The following ELF2 variants were observed in gnomAD, a reference collection of about 807,000 sequenced individuals.
ELF2 encodes the protein E74 like ETS transcription factor 2, also known as ETS-related transcription factor Elf-2.
Under a neutral mutation model 54.8 loss-of-function variants are expected in ELF2, and 11 were observed. The ratio of observed to expected loss-of-function variants is 0.20; its 90% CI spans 0.13 to 0.33. ELF2 has a LOEUF of 0.33. Ranked by LOEUF, ELF2 falls within the 10% of genes least tolerant of loss-of-function variation. The probability of loss-of-function intolerance (pLI) is 1.00; values close to 1 mark genes in which losing one functional copy is unlikely to be tolerated. For missense variants in ELF2, 513 were observed against 703.0 expected (o/e 0.73, Z 3.06); for synonymous variants, 203 against 245.1 (o/e 0.83, Z 1.61).
In ELF2 at chr4:139,139,503, A is replaced by C. The variant is rs540042305; in HGVS notation, c.-251-6T>G. On this transcript the variant is annotated splice_polypyrimidine_tract_variant and splice_region_variant and intron_variant, in intron 1 of 9. Transcript: ENST00000686138. ...GAACCAGTAGTTCTTTGGAACTGCC[A>C]GCGGGAGGGGAAAAAAGATAATATT... 2.5e-5 allele frequency: 31 copies of C among 1,224,188 alleles called. No individual in the cohort carries two copies. Among genetic ancestry groups the C allele is most frequent in the Non-Finnish European group, 3.0e-5 (29 of 982,652 alleles). 75.8% of individuals were successfully genotyped at this position (1,224,188 alleles called of 1,614,324 possible).
chr4:139,120,148 AC>A (rs1560833498), intron 4 of ELF2, among the ~76,000 whole-genome samples: 1 of 152,228 alleles, frequency 6.6e-6, no homozygotes, highest in East Asian at 1.9e-4. Flanking sequence ...CATGACTATT[AC>A]CAAACTTATC....
chr4:139,121,271 G>A (rs1373171655), intron 4 of ELF2, among the ~76,000 whole-genome samples: 2 of 150,714 alleles, frequency 1.3e-5, no homozygotes, highest in African/African-American at 4.9e-5. Flanking sequence ...ACCACGCCCG[G>A]CTAATTTTTT....
chr4:139,169,735 T>C (rs1364049503), intron 1 of ELF2, among the ~76,000 whole-genome samples: 2 of 151,688 alleles, frequency 1.3e-5, no homozygotes, highest in Non-Finnish European at 2.9e-5. Flanking sequence ...CGGGCGCCTA[T>C]AGTCCCAGCT....
At position 139,151,023 on chromosome 4, in the gene ELF2, C is replaced by CAAA. The variant is rs79837347; in HGVS notation, c.-251-11529_-251-11527dup. Among the ~76,000 whole-genome samples the CAAA allele has an allele frequency of 4.0e-3, 195 of 48,302 alleles. 15 individuals carry two copies. Among genetic ancestry groups the CAAA allele is most frequent in the African/African-American group, 0.016 (161 of 9,834 alleles). The allele number at this position is 48,302 out of a possible 152,430, so 31.7% of individuals were successfully genotyped here. A position where few individuals can be genotyped will look rare whatever the true frequency, so the allele number is the denominator to read the frequency against. ...TAGGTGACGGAACGAGGCTCCATCTCAAAAAAAAAAAAGAAAGAAAGAAAG... is the reference window on the plus strand; with the variant it reads ...TAGGTGACGGAACGAGGCTCCATCTCAAAAAAAAAAAAAAAGAAAGAAAGAAAG... On this transcript the variant is annotated intron_variant, in intron 1 of 9. Transcript: ENST00000686138.
intron 4 of ELF2, among the ~76,000 whole-genome samples, chr4:139,119,316 T>A (rs1459896379): frequency 6.6e-6 from 1 of 152,238 alleles, no homozygotes; most frequent in African/African-American, 2.4e-5. Context: ...GCTTTAGTTG[T>A]ACTAGATATC....
rs72933571 is a variant in ELF2, at chr4:139,165,321, T to A, written c.-252+11646A>T. 7.2e-3 allele frequency among the ~76,000 whole-genome samples: 1,101 copies of A among 152,330 alleles called. 20 individuals are homozygous for A. The highest frequency in any genetic ancestry group is 0.025 in the African/African-American group (1,036 of 41,558). On this transcript the variant is annotated intron_variant, in intron 1 of 9. Transcript: ENST00000686138. ...CTATGATTCTGTTTTGATCAGGTGTTTTAAACCTTTTGACATCTTTGGTAA... is the reference window on the plus strand; with the variant it reads ...CTATGATTCTGTTTTGATCAGGTGTATTAAACCTTTTGACATCTTTGGTAA...
intron 4 of ELF2, among the ~76,000 whole-genome samples, chr4:139,079,025 G>A (rs1397845601): frequency 6.6e-6 from 1 of 151,972 alleles, no homozygotes; most frequent in Admixed American, 6.6e-5. Flanking sequence ...ATCTCCTGGG[G>A]TGTGATCCTC....
intron 3 of ELF2, among the ~76,000 whole-genome samples, chr4:139,125,687 A>G (rs191391532): frequency 3.5e-4 from 53 of 151,784 alleles, no homozygotes; most frequent in Admixed American, 3.5e-3. Flanking sequence ...AAACAAGAAG[A>G]GGTAAGAACA....
At chr4:139,101,788 G>A (rs1328888349) in intron 4 of ELF2, 1 of 152,250 alleles carries the variant, frequency 6.6e-6, no homozygotes, top group Non-Finnish European at 1.5e-5. Context: ...TTCAGATGAA[G>A]CCTAGCCAAA....
chr4:139,107,433 A>C (rs1012244052), intron 4 of ELF2, among the ~76,000 whole-genome samples: 2 of 152,206 alleles, frequency 1.3e-5, no homozygotes, highest in African/African-American at 2.4e-5. Flanking sequence ...GGATATCCCA[A>C]TTACTCTGAC....
At chr4:139,133,722 G>A (rs1190338357) in intron 3 of ELF2, among the ~76,000 whole-genome samples, 1 of 151,028 alleles carries the variant, frequency 6.6e-6, no homozygotes, top group Non-Finnish European at 1.5e-5. Flanking sequence ...CCTCACCTCA[G>A]CCTTTAGTGT....
At chr4:139,135,516 G>A (rs1171303368) in intron 3 of ELF2, among the ~76,000 whole-genome samples, 1 of 150,606 alleles carries the variant, frequency 6.6e-6, no homozygotes, top group Non-Finnish European at 1.5e-5. Flanking sequence ...TGCCCTAATT[G>A]AAGTACTCCC....
intron 1 of ELF2, among the ~76,000 whole-genome samples, chr4:139,169,070 G>T (rs564428489): frequency 1.3e-5 from 2 of 151,892 alleles, no homozygotes; most frequent in East Asian, 3.9e-4. Flanking sequence ...TTGGGAGGCC[G>T]AGACAGGCAG....
In ELF2 at chr4:139,162,980, C is replaced by A. The variant is rs185820578; in HGVS notation, c.-252+13987G>T. Among the ~76,000 whole-genome samples, 551 of 152,198 alleles carry A rather than the reference C, an allele frequency of 3.6e-3. 4 individuals carry two copies. Among genetic ancestry groups the A allele is most frequent in the Non-Finnish European group, 3.6e-3 (243 of 68,008 alleles). ...AGGCATGGTAGCATGCTCCTGTAAT[C>A]CCAGCTACTCCAGGGGCTAAGACAG... On this transcript the variant is annotated intron_variant, in intron 1 of 9. Coordinates refer to ENST00000686138, the MANE Select transcript of ELF2 (RefSeq NM_001331036.3).
intron 4 of ELF2, chr4:139,115,199 T>G (rs928499610): frequency 3.1e-4 from 503 of 1,611,556 alleles, no homozygotes; most frequent in Non-Finnish European, 4.0e-4. Flanking sequence ...CGGTCATACT[T>G]GACGGTGACC....
intron 1 of ELF2, among the ~76,000 whole-genome samples, chr4:139,154,556 A>G (rs764622004): frequency 1.6e-4 from 25 of 152,028 alleles, no homozygotes; most frequent in Non-Finnish European, 2.6e-4. Flanking sequence ...TTATTCCCAA[A>G]TAAGATAGCT....
chr4:139,084,384 G>T (rs959197190), intron 4 of ELF2: 50 of 1,450,634 alleles, frequency 3.4e-5, no homozygotes, highest in Non-Finnish European at 4.3e-5. Flanking sequence ...GCCTCCCGCC[G>T]CCGGGCTGAG....
chr4:139,152,152 A>G (rs1162769072), intron 1 of ELF2, among the ~76,000 whole-genome samples: 1 of 152,232 alleles, frequency 6.6e-6, no homozygotes, highest in Non-Finnish European at 1.5e-5. Context: ...GGTGACTGCA[A>G]AATAGTATAA....
Position 139,105,093 on chromosome 4 carries a change from A to C in ELF2, c.238+20071T>G, listed in dbSNP as rs530209830. On this transcript the variant is annotated intron_variant, in intron 4 of 9. Coordinates refer to ENST00000686138, the MANE Select transcript of ELF2 (RefSeq NM_001331036.3). ...GTTAAGATTACCAATTAACTATCTC[A>C]ATTGTACCTAATAACTGTCATATGG... 7.2e-5 allele frequency among the ~76,000 whole-genome samples: 11 copies of C among 152,336 alleles called. No homozygotes were observed. In the East Asian group the frequency reaches 1.7e-3, roughly 24 times the overall value.
Sources: allele counts gnomAD v4.1 joint callset (sites outside exome capture counted in the v4.1 genomes callset), GRCh38; gene constraint gnomAD v4.1.1; transcripts MANE v1.5; gene names NCBI Gene and HGNC (gene_info 2026-07-23, HGNC 2026-07-21).